The following SMPD4 variants were observed in gnomAD, a reference collection of about 807,000 sequenced individuals.
The protein encoded by SMPD4 is neutral sphingomyelinase 3.
In SMPD4, 58 loss-of-function variants were observed where a neutral mutation model predicts 97.8. The ratio of observed to expected loss-of-function variants is 0.59; its 90% confidence interval spans 0.48 to 0.74. The LOEUF (loss-of-function observed/expected upper bound fraction) is 0.74, where lower values mean the gene tolerates loss of function less well. Among genes scored for constraint, SMPD4 ranks in the 30% least tolerant of loss-of-function variants. The pLI, the probability that SMPD4 is intolerant of heterozygous loss-of-function variation, is 0.00. For synonymous variants in SMPD4, 388 were observed against 450.0 expected, an observed-to-expected ratio of 0.86 and a Z score of 1.74; for missense variants, 853 against 1,080.5, an observed-to-expected ratio of 0.79 and a Z score of 2.95.
At chr2:130,153,671 A>G (rs1352858193) in intron 17 of SMPD4, 31 bp downstream of exon 17, 4 of 1,608,090 alleles carry the variant, frequency 2.5e-6, no homozygotes, top group Non-Finnish European at 3.4e-6. Context: ...GGGGACCCTG[A>G]TGGCGGTGGG....
chr2:130,161,595 C>T (rs1687428034), intron 10 of SMPD4, among the ~76,000 whole-genome samples: 2 of 152,118 alleles, frequency 1.3e-5, no homozygotes, highest in South Asian at 4.2e-4. Context: ...CTCAGTATTG[C>T]TGGGGCCTAA....
intron 15 of SMPD4, chr2:130,154,857 C>G (rs898349821): frequency 1.6e-6 from 1 of 639,408 alleles, no homozygotes; most frequent in Non-Finnish European, 2.7e-6. Context: ...CGTGCCGGCC[C>G]GCTCTGTGGG....
chr2:130,163,070 T>C (rs1455642455), intron 10 of SMPD4, among the ~76,000 whole-genome samples: 1 of 152,226 alleles, frequency 6.6e-6, no homozygotes, highest in Non-Finnish European at 1.5e-5. Context: ...GTAGGTGTGC[T>C]TCCACTCCCT....
intron 8 of SMPD4, among the ~76,000 whole-genome samples, chr2:130,169,263 T>G (rs183550178): frequency 1.4e-4 from 22 of 152,246 alleles, no homozygotes. Flanking sequence ...CATTCCTGAC[T>G]GAAGGGGACT....
chr2:130,164,920 A>G (rs1687776194), intron 9 of SMPD4, among the ~76,000 whole-genome samples: 1 of 150,942 alleles, frequency 6.6e-6, no homozygotes, highest in African/African-American at 2.4e-5. Context: ...CAGCCTGGCC[A>G]ACATAATGAA....
At chr2:130,177,865 T>G (rs1467739483) in intron 1 of SMPD4, among the ~76,000 whole-genome samples, 1 of 152,194 alleles carries the variant, frequency 6.6e-6, no homozygotes, top group Non-Finnish European at 1.5e-5. Context: ...TCCTCAGTGG[T>G]AGGCAGAATT....
Position 130,176,655 on chromosome 2 carries a change from C to A in SMPD4, c.-45-18G>T. 1.3e-6 allele frequency: 2 copies of A among 1,587,442 alleles called. No individual in the cohort carries two copies. Among genetic ancestry groups the A allele is most frequent in the Non-Finnish European group, 1.7e-6 (2 of 1,158,782 alleles). ...GCAAACCACTGTGGAAAAACAAAGA[C>A]AAAATCTCAACATCTGTAACACAGC... On this transcript the variant is annotated intron_variant, in intron 1 of 19. Coordinates refer to ENST00000680298, the MANE Select transcript of SMPD4 (RefSeq NM_017951.5).
At chr2:130,155,403 C>T (rs1212431412) in intron 14 of SMPD4, 144 bp from the exon 15 acceptor site, 2 of 1,121,854 alleles carry the variant, frequency 1.8e-6, no homozygotes, top group East Asian at 2.5e-5. Context: ...CAGATGACAG[C>T]TCAGGGGGCC....
intron 10 of SMPD4, among the ~76,000 whole-genome samples, chr2:130,162,447 G>A (rs888442798): frequency 6.6e-6 from 1 of 152,250 alleles, no homozygotes; most frequent in Non-Finnish European, 1.5e-5. Flanking sequence ...GCAGGGAGGT[G>A]TTGCCCTCCA....
In SMPD4 at chr2:130,167,567, G is replaced by A; in HGVS notation, c.683C>T (p.Ser228Phe). Residue 228 changes from serine to phenylalanine, a missense_variant, in exon 9 of 20, where the codon TCC becomes TTC. Transcript: ENST00000680298. ...PPRTPAIPFASYGLHHTSLLK... is the reference protein window; with the variant it reads ...PPRTPAIPFAFYGLHHTSLLK... ...GAGGCTAGTGTGGTGGAGGCCATAGGAAGCAAAGGGTATGGCTGGTGTCCT... is the reference window on the plus strand; with the variant it reads ...GAGGCTAGTGTGGTGGAGGCCATAGAAAGCAAAGGGTATGGCTGGTGTCCT... 1 of 1,612,656 alleles carries A rather than the reference G, an allele frequency of 6.2e-7. No individual in the cohort carries two copies. Among genetic ancestry groups the A allele is most frequent in the Non-Finnish European group, 8.5e-7 (1 of 1,179,028 alleles).
intron 8 of SMPD4, among the ~76,000 whole-genome samples, chr2:130,172,057 G>A (rs575967995): frequency 2.0e-5 from 3 of 152,280 alleles, no homozygotes; most frequent in African/African-American, 4.8e-5. Flanking sequence ...CTCAGACACC[G>A]CCTGTGGGGA....
rs552175422 is a variant in SMPD4, at chr2:130,173,093, T to C, written c.345+186A>G. Among the ~76,000 whole-genome samples the C allele has an allele frequency of 3.3e-5, 5 of 152,286 alleles. No homozygotes were observed. The East Asian group carries it at 7.7e-4, about 24-fold the overall frequency. ...TTGCTTAGAACTTCTCCTACCATCA[T>C]CTCATAAAGAGCTGCAGACAGCAAG... On this transcript the variant is annotated intron_variant, in intron 5 of 19. Coordinates refer to ENST00000680298, the MANE Select transcript of SMPD4 (RefSeq NM_017951.5).
intron 11 of SMPD4, 46 bp from the exon 12 acceptor site, chr2:130,157,442 C>T: frequency 6.2e-7 from 1 of 1,608,794 alleles, no homozygotes; most frequent in African/African-American, 1.3e-5. Flanking sequence ...AGCGTGGCAC[C>T]CATAGCACTC....
At chr2:130,173,766 C>T in intron 3 of SMPD4, 110 bp from the exon 4 acceptor site, 1 of 1,447,816 alleles carries the variant, frequency 6.9e-7, no homozygotes, top group Non-Finnish European at 9.5e-7. Flanking sequence ...CACTCCCTGG[C>T]TAAGACCTAT....
chr2:130,157,562 G>A, intron 11 of SMPD4, 166 bp from the exon 12 acceptor site: 1 of 1,378,268 alleles, frequency 7.3e-7, no homozygotes, highest in Non-Finnish European at 9.8e-7. Context: ...CACTGTGCCT[G>A]GCACCCAGAT....
At chr2:130,172,584 C>G in intron 7 of SMPD4, 41 bp downstream of exon 7, 1 of 1,613,882 alleles carries the variant, frequency 6.2e-7, no homozygotes, top group Non-Finnish European at 8.5e-7. Context: ...AGCCCTGGGC[C>G]GTGGCCCCAC....
rs765342048 is a variant in SMPD4 at position 130,173,358 on chromosome 2, A to T, written c.270-4T>A. ...AACCAACTTCATCATTGGGCCACTG[A>T]ACACGAAATTGAACAAACAAACAAA... is the stretch of plus-strand genomic sequence containing the variant. On this transcript the variant is annotated splice_region_variant and splice_polypyrimidine_tract_variant and intron_variant, in intron 4 of 19. Transcript: ENST00000680298. 7.4e-6 allele frequency: 12 copies of T among 1,611,842 alleles called. No homozygotes were observed. The highest frequency in any genetic ancestry group is 2.7e-5 in the African/African-American group (2 of 74,804).
intron 18 of SMPD4, 60 bp from the exon 19 acceptor site, chr2:130,153,231 A>C (rs940407867): frequency 3.1e-6 from 5 of 1,612,898 alleles, no homozygotes; most frequent in Non-Finnish European, 4.2e-6. Context: ...AACTCAGAGG[A>C]GCCTGATGGC....
At chr2:130,153,200 A>T in intron 18 of SMPD4, 29 bp from the exon 19 acceptor site, 1 of 1,613,618 alleles carries the variant, frequency 6.2e-7, no homozygotes, top group Non-Finnish European at 8.5e-7. Context: ...GGGATGGGTC[A>T]GAAAACACAG....
Sources: allele counts gnomAD v4.1 joint callset (sites outside exome capture counted in the v4.1 genomes callset), GRCh38; gene constraint gnomAD v4.1.1; transcripts MANE v1.5; gene names NCBI Gene and HGNC (gene_info 2026-07-23, HGNC 2026-07-21).